The following CEP164 variants were observed in gnomAD, a reference collection of about 807,000 sequenced individuals.
CEP164 encodes the protein centrosomal protein of 164 kDa.
In CEP164, 162 loss-of-function variants were observed where a neutral mutation model predicts 182.7. The observed-to-expected ratio is 0.89, with a 90% CI of 0.78 to 1.01. The LOEUF (loss-of-function observed/expected upper bound fraction) is 1.01. Among genes scored for constraint, CEP164 ranks in the 50% least tolerant of loss-of-function variants. The pLI, the probability that CEP164 is intolerant of heterozygous loss-of-function variation, is 0.00. For synonymous variants in CEP164, 661 were observed against 690.0 expected (o/e 0.96, Z 0.66); for missense variants, 1,735 against 1,790.4 (o/e 0.97, Z 0.56).
At position 117,347,969 on chromosome 11, in the gene CEP164, T is replaced by C. The variant is rs555179364; in HGVS notation, c.194+3692T>C. Among the ~76,000 whole-genome samples the C allele has an allele frequency of 9.8e-3, 1,492 of 152,162 alleles. 10 individuals are homozygous for C. Among genetic ancestry groups the C allele is most frequent in the Non-Finnish European group, 0.015 (1,052 of 67,998 alleles). On this transcript the variant is annotated intron_variant, in intron 4 of 32. Transcript: ENST00000278935. Reference sequence around the variant, plus strand: ...ACTGAAGTTGGTTTGTTGTTGTTGTTGTTGTTGTTGTTGTTTTTGAGATAG... The same window carrying C: ...ACTGAAGTTGGTTTGTTGTTGTTGTCGTTGTTGTTGTTGTTTTTGAGATAG...
At chr11:117,379,237 AT>A (rs1447256254) in intron 11 of CEP164, among the ~76,000 whole-genome samples, 1 of 152,170 alleles carries the variant, frequency 6.6e-6, no homozygotes, top group Non-Finnish European at 1.5e-5. Flanking sequence ...CAGCATTTCT[AT>A]TTTTAATGTA....
chr11:117,399,455 T>C (rs1294915212), intron 27 of CEP164, among the ~76,000 whole-genome samples: 1 of 152,262 alleles, frequency 6.6e-6, no homozygotes, highest in African/African-American at 2.4e-5. Flanking sequence ...TGTGTGCATG[T>C]GTCTTTATAA....
intron 28 of CEP164, 27 bp downstream of exon 28, chr11:117,408,059 G>T: frequency 6.6e-7 from 1 of 1,505,228 alleles, no homozygotes; most frequent in Non-Finnish European, 9.1e-7. Flanking sequence ...ACATAGTCCA[G>T]TGGGCCCTGG....
chr11:117,363,902 G>A (rs2041314443), intron 8 of CEP164: 1 of 154,584 alleles, frequency 6.5e-6, no homozygotes, highest in African/African-American at 2.4e-5. Context: ...TGAGTAGTTA[G>A]GACTACAGGC....
intron 11 of CEP164, among the ~76,000 whole-genome samples, chr11:117,380,158 C>T (rs1423442335): frequency 1.3e-5 from 2 of 152,174 alleles, no homozygotes; most frequent in East Asian, 3.9e-4. Flanking sequence ...CATGTGCTTG[C>T]CTGTGGCCCC....
intron 19 of CEP164, 103 bp from the exon 20 acceptor site, chr11:117,392,901 G>A (rs550074861): frequency 6.5e-7 from 1 of 1,534,556 alleles, no homozygotes; most frequent in African/African-American, 1.4e-5. Context: ...TGTGTGTGTT[G>A]GGGGAGATTG....
rs749310077 is a variant in CEP164 at position 117,394,981 on chromosome 11, G to C, written c.2822G>C (p.Arg941Thr). 6.2e-7 allele frequency: 1 copy of C among 1,614,196 alleles called. No homozygotes were observed. The highest frequency in any genetic ancestry group is 1.1e-5 in the South Asian group (1 of 91,076). The change falls in exon 22 of 33, where the codon AGA becomes ACA. Residue 941 changes from arginine to threonine, a missense_variant. Coordinates refer to ENST00000278935, the MANE Select transcript of CEP164 (RefSeq NM_014956.5). This position sits in a 1 kb window ranked among gnomAD's most constrained non-coding sequence, Gnocchi z 4.0. The stretch of plus-strand genomic sequence containing the variant: ...ACCAGAGCTAAAGATGTCAAGGCCA[G>C]ATTGGCTCTGCTGGAGGTCCAGGTG... ...LETRAKDVKA[R>T]LALLEVQEET...
At chr11:117,363,172 T>C (rs2041198480) in intron 7 of CEP164, among the ~76,000 whole-genome samples, 1 of 152,228 alleles carries the variant, frequency 6.6e-6, no homozygotes, top group African/African-American at 2.4e-5. Context: ...CAGTCTATTA[T>C]GTCTTCTAGA....
chr11:117,391,932 C>A (rs1289177686), intron 17 of CEP164, among the ~76,000 whole-genome samples: 2 of 152,200 alleles, frequency 1.3e-5, no homozygotes, highest in African/African-American at 4.8e-5. Flanking sequence ...ATCTTATTTA[C>A]CAGCATGAGC....
rs144910893 is a variant in CEP164 at position 117,397,177 on chromosome 11, G to A, written c.3365G>A (p.Arg1122His). The A allele has an allele frequency of 3.7e-4, 593 of 1,614,138 alleles. 3 individuals carry two copies. The African/African-American group carries it at 4.3e-3, about 12-fold the overall frequency. The change falls in exon 27 of 33, where the codon CGC becomes CAC. Residue 1122 changes from arginine (R) to histidine (H), a missense_variant. Physicochemically the swap from Arg to His is conservative, Grantham distance 29. Transcript: ENST00000278935. ...SAKEFLVQQT[R>H]SMRRRQTALK... ...AAGGAGTTCCTTGTGCAGCAGACAC[G>A]CTCCATGCGGAGGCGGCAGACAGCT...
chr11:117,383,663 G>T (rs1278756348), intron 14 of CEP164, among the ~76,000 whole-genome samples: 2 of 152,152 alleles, frequency 1.3e-5, no homozygotes, highest in East Asian at 3.8e-4. Context: ...TTCCTACTCA[G>T]TTTTCAGACG....
At chr11:117,389,052 G>A (rs533424964) in intron 15 of CEP164, among the ~76,000 whole-genome samples, 36 of 152,224 alleles carry the variant, frequency 2.4e-4, no homozygotes, top group African/African-American at 8.2e-4. Context: ...TTACAGGCGT[G>A]AGCCACTGTG....
chr11:117,336,776 A>C (rs772488018), intron 2 of CEP164: 2 of 606,934 alleles, frequency 3.3e-6, no homozygotes, highest in African/African-American at 3.7e-5. Flanking sequence ...GCAGCTTCTG[A>C]GGAAGTGGGG....
chr11:117,361,323 C>A (rs1472444040), intron 5 of CEP164, among the ~76,000 whole-genome samples: 3 of 148,690 alleles, frequency 2.0e-5, no homozygotes, highest in African/African-American at 7.5e-5. Context: ...TGACTGCAAC[C>A]TCTGCCTCCC....
In CEP164 at chr11:117,390,795, G is replaced by A; in HGVS notation, c.1953G>A (p.Leu651=). 3.7e-6 allele frequency: 6 copies of A among 1,613,996 alleles called. No individual in the cohort carries two copies. Among genetic ancestry groups the A allele is most frequent in the South Asian group, 2.2e-5 (2 of 91,082 alleles). ...EQSLSSLRER[L]QKAIEEEEAR... is the part of the protein sequence containing the mutation. ...ATCTCAGTTCCTTGAGGGAGCGGCT[G>A]CAGAAAGCCATTGAGGAGGAGGAGG... Residue 651 remains leucine (L), a synonymous_variant, in exon 16 of 33, where the codon CTG becomes CTA. Transcript: ENST00000278935.
chr11:117,374,804 T>A (rs1242134603), intron 10 of CEP164, among the ~76,000 whole-genome samples: 1 of 152,158 alleles, frequency 6.6e-6, no homozygotes, highest in African/African-American at 2.4e-5. Flanking sequence ...TGGAAGTAGA[T>A]GGAGGAGGCT....
Position 117,409,684 on chromosome 11 carries a change from G to T in CEP164, c.3815G>T (p.Ser1272Ile). 1 of 1,614,112 alleles carries T rather than the reference G, an allele frequency of 6.2e-7. No individual in the cohort carries two copies. The highest frequency in any genetic ancestry group is 2.2e-5 in the East Asian group (1 of 44,878). ...HGLSHSLRQI[S>I]SQLSSVLSIL... The stretch of plus-strand genomic sequence containing the variant: ...CTTAGCCACTCCCTCCGGCAGATCA[G>T]CAGCCAGCTGAGCAGTGTCCTCAGC... Residue 1272 changes from serine (S) to isoleucine (I), a missense_variant, in exon 30 of 33, where the codon AGC becomes ATC. Transcript: ENST00000278935. This position sits in a 1 kb window ranked among gnomAD's most constrained non-coding sequence, Gnocchi z 4.4.
chr11:117,346,917 T>C (rs1276513372), intron 4 of CEP164, among the ~76,000 whole-genome samples: 1 of 152,158 alleles, frequency 6.6e-6, no homozygotes, highest in Admixed American at 6.6e-5. Flanking sequence ...TTACCCTTCT[T>C]CTTCTTTACC....
intron 23 of CEP164, 101 bp from the exon 24 acceptor site, chr11:117,395,446 C>A: frequency 7.6e-7 from 1 of 1,313,726 alleles, no homozygotes; most frequent in Non-Finnish European, 1.0e-6. Flanking sequence ...AATTCATTCC[C>A]AGCCTGTCCT....
Sources: gnomAD v4.1 joint callset for allele counts (sites outside exome capture counted in the v4.1 genomes callset) on GRCh38, gnomAD v4.1.1 for gene constraint, Gnocchi (gnomAD v3.1) non-coding constraint, MANE v1.5 for transcripts, NCBI Gene and HGNC (gene_info 2026-07-23, HGNC 2026-07-21) for gene names.